The following LRRTM4 variants were observed in gnomAD, a reference collection of about 807,000 sequenced individuals.
The protein encoded by LRRTM4 is leucine rich repeat transmembrane neuronal 4, also known as leucine-rich repeat transmembrane neuronal protein 4.
A neutral mutation model predicts 47.6 loss-of-function variants in LRRTM4; 25 were observed. The ratio of observed to expected loss-of-function variants is 0.53; its 90% CI spans 0.38 to 0.73. The LOEUF is 0.73. Among genes scored for constraint, LRRTM4 ranks in the 30% least tolerant of loss-of-function variants. The pLI, the probability that LRRTM4 is intolerant of heterozygous loss-of-function variation, is 0.00. For missense variants in LRRTM4, 638 were observed against 713.4 expected, an observed-to-expected ratio of 0.89 and a Z score of 1.20; for synonymous variants, 311 against 269.5, an observed-to-expected ratio of 1.15 and a Z score of -1.51.
At chr2:76,773,537 C>G (rs1673807689) in intron 3 of LRRTM4, among the ~76,000 whole-genome samples, 1 of 152,014 alleles carries the variant, frequency 6.6e-6, no homozygotes, top group East Asian at 1.9e-4. Flanking sequence ...AAAGTGATGT[C>G]ATTTATCATT....
intron 3 of LRRTM4, among the ~76,000 whole-genome samples, chr2:77,249,765 T>G: frequency 6.6e-6 from 1 of 152,288 alleles, no homozygotes; most frequent in East Asian, 1.9e-4. Flanking sequence ...TAACTGTTTC[T>G]TACAAAGCTA....
chr2:76,938,041 A>G lies in LRRTM4; in HGVS notation c.1552-189125T>C, dbSNP rs111747912. 5.1e-3 allele frequency among the ~76,000 whole-genome samples: 780 copies of G among 152,076 alleles called. 4 individuals carry two copies. The highest frequency in any genetic ancestry group is 0.018 in the African/African-American group (729 of 41,496). On this transcript the variant is annotated intron_variant, in intron 3 of 3. Transcript: ENST00000409884. ...AAATACCCTCCTTTTTTCCTTCCCC[A>G]GTATTTTAAGAATTATCAAATAATT...
intron 3 of LRRTM4, among the ~76,000 whole-genome samples, chr2:77,216,224 C>T (rs1283616554): frequency 6.6e-6 from 1 of 152,106 alleles, no homozygotes; most frequent in African/African-American, 2.4e-5. Flanking sequence ...TGCCAGAATA[C>T]AAAATGGAAA....
chr2:77,388,370 A>G (rs1188109086), intron 3 of LRRTM4, among the ~76,000 whole-genome samples: 4 of 152,136 alleles, frequency 2.6e-5, no homozygotes, highest in Non-Finnish European at 4.4e-5. Flanking sequence ...GCAGACATTC[A>G]AAACTGTGAC....
intron 3 of LRRTM4, among the ~76,000 whole-genome samples, chr2:76,815,103 G>A (rs759755082): frequency 5.3e-5 from 8 of 151,820 alleles, no homozygotes; most frequent in Non-Finnish European, 1.2e-4. Context: ...CAGGACAATT[G>A]TATCTATTAA....
intron 3 of LRRTM4, among the ~76,000 whole-genome samples, chr2:77,179,693 A>C (rs2103853721): frequency 6.6e-6 from 1 of 152,316 alleles, no homozygotes; most frequent in Non-Finnish European, 1.5e-5. Context: ...GCTGGAGGAA[A>C]AAAGATGAGA....
At chr2:77,038,344 T>A (rs1036532095) in intron 3 of LRRTM4, among the ~76,000 whole-genome samples, 571 of 151,746 alleles carry the variant, frequency 3.8e-3, no homozygotes, top group African/African-American at 0.013. Context: ...TAGAATTCAC[T>A]TGACCTTAGG....
intron 3 of LRRTM4, among the ~76,000 whole-genome samples, chr2:77,410,846 G>A (rs1418773342): frequency 1.3e-5 from 2 of 152,210 alleles, no homozygotes; most frequent in East Asian, 3.9e-4. Context: ...ACCTCTCAAG[G>A]TGATTCTGTT....
intron 3 of LRRTM4, among the ~76,000 whole-genome samples, chr2:77,230,885 A>G (rs1374195495): frequency 2.0e-5 from 3 of 152,112 alleles, no homozygotes; most frequent in African/African-American, 7.2e-5. Flanking sequence ...AAAAATAGAC[A>G]AATTAATTTC....
intron 3 of LRRTM4, among the ~76,000 whole-genome samples, chr2:77,407,753 TATG>T (rs1424064792): frequency 1.4e-5 from 2 of 144,454 alleles, no homozygotes; most frequent in African/African-American, 5.1e-5. Flanking sequence ...TCTATTATAT[TATG>T]ATATTATATA....
chr2:76,869,244 G>A (rs1320323933), intron 3 of LRRTM4, among the ~76,000 whole-genome samples: 1 of 151,116 alleles, frequency 6.6e-6, no homozygotes, highest in East Asian at 2.0e-4. Context: ...AGGAGGCAGA[G>A]GTTGCAGTGA....
At chr2:77,142,471 G>T (rs1005692377) in intron 3 of LRRTM4, among the ~76,000 whole-genome samples, 4 of 151,306 alleles carry the variant, frequency 2.6e-5, no homozygotes, top group South Asian at 4.2e-4. Flanking sequence ...ATCTCAAAGG[G>T]TCACTAAAGA....
At chr2:77,438,375 T>C (rs1454830558) in intron 3 of LRRTM4, among the ~76,000 whole-genome samples, 1 of 151,134 alleles carries the variant, frequency 6.6e-6, no homozygotes, top group Non-Finnish European at 1.5e-5. Context: ...AGCTACATTT[T>C]CGCTCTCGAT....
In LRRTM4 at chr2:76,919,608, G is replaced by A. The variant is rs144639506; in HGVS notation, c.1552-170692C>T. On this transcript the variant is annotated intron_variant, in intron 3 of 3. Coordinates refer to ENST00000409884, the MANE Select transcript of LRRTM4 (RefSeq NM_001134745.3). ...GAAAGTTGGGAAAATTGTGAAAGCC[G>A]ATACGAGCCCTGACATTTTTTAATT... Among the ~76,000 whole-genome samples, 430 of 152,126 alleles carry A rather than the reference G, an allele frequency of 2.8e-3. 2 individuals carry two copies. The highest frequency in any genetic ancestry group is 9.9e-3 in the African/African-American group (412 of 41,524).
chr2:77,244,529 T>G (rs1675376457), intron 3 of LRRTM4, among the ~76,000 whole-genome samples: 1 of 152,194 alleles, frequency 6.6e-6, no homozygotes, highest in Non-Finnish European at 1.5e-5. Flanking sequence ...GATTGGTAGA[T>G]ATCTGAAAAT....
chr2:77,368,857 G>T (rs1370176048), intron 3 of LRRTM4, among the ~76,000 whole-genome samples: 1 of 151,718 alleles, frequency 6.6e-6, no homozygotes, highest in East Asian at 1.9e-4. Flanking sequence ...GGCGATATAT[G>T]CAGGGGAAGA....
chr2:76,750,096 G>A (rs1458007873), intron 3 of LRRTM4, among the ~76,000 whole-genome samples: 8 of 152,202 alleles, frequency 5.3e-5, no homozygotes, highest in Non-Finnish European at 8.8e-5. Context: ...AGAGGGAATT[G>A]CTCCCATTGT....
At chr2:77,067,241 T>A (rs953408807) in intron 3 of LRRTM4, among the ~76,000 whole-genome samples, 2 of 152,110 alleles carry the variant, frequency 1.3e-5, no homozygotes, top group African/African-American at 4.8e-5. Context: ...ATGGACAACA[T>A]GTAAAGCACT....
chr2:77,517,599 T>A, intron 3 of LRRTM4: 2 of 982,470 alleles, frequency 2.0e-6, no homozygotes, highest in Non-Finnish European at 2.4e-6. Flanking sequence ...AAATCGGATC[T>A]ATATCCCAGT....
Sources: gnomAD v4.1 joint callset for allele counts (sites outside exome capture counted in the v4.1 genomes callset) on GRCh38, gnomAD v4.1.1 for gene constraint, MANE v1.5 for transcripts, NCBI Gene and HGNC (gene_info 2026-07-23, HGNC 2026-07-21) for gene names.